The following ROBO2 variants were observed in gnomAD, a reference collection of about 807,000 sequenced individuals.
ROBO2 encodes roundabout guidance receptor 2, also known as roundabout homolog 2.
In ROBO2, 53 loss-of-function variants were observed where a neutral mutation model predicts 160.8. The ratio of observed to expected loss-of-function variants is 0.33; its 90% confidence interval spans 0.26 to 0.41. The LOEUF (loss-of-function observed/expected upper bound fraction) is 0.41. ROBO2 is among the 10% of genes least tolerant of loss of function. The probability of loss-of-function intolerance (pLI) is 1.00; values close to 1 mark genes in which losing one functional copy is unlikely to be tolerated. For synonymous variants in ROBO2, 664 were observed against 611.7 expected (o/e 1.09, Z -1.26); for missense variants, 1,577 against 1,722.4 (o/e 0.92, Z 1.49).
At chr3:76,112,420 G>A (rs1474734546) in intron 2 of ROBO2, among the ~76,000 whole-genome samples, 1 of 151,796 alleles carries the variant, frequency 6.6e-6, no homozygotes, top group African/African-American at 2.4e-5. Context: ...TTTATATCTG[G>A]TAGAACCTCC....
chr3:77,607,887 C>T (rs776356404), exon 21 of ROBO2: 10 of 1,605,218 alleles, frequency 6.2e-6, no homozygotes, highest in Non-Finnish European at 8.5e-6. Context: ...CCCTCTACCT[C>T]CCCCCCCAGT....
At chr3:76,877,155 A>T (rs536756006) in intron 2 of ROBO2, among the ~76,000 whole-genome samples, 1 of 152,220 alleles carries the variant, frequency 6.6e-6, no homozygotes, top group Non-Finnish European at 1.5e-5. Flanking sequence ...TTAGTGTTTG[A>T]AAGTTAAGGC....
At chr3:77,288,558 C>G (rs2060781629) in intron 2 of ROBO2, among the ~76,000 whole-genome samples, 1 of 152,134 alleles carries the variant, frequency 6.6e-6, no homozygotes, top group African/African-American at 2.4e-5. Context: ...GTGCTGTTTT[C>G]CCTGTTTGAC....
At chr3:76,568,358 T>G (rs189145287) in intron 2 of ROBO2, among the ~76,000 whole-genome samples, 71 of 152,126 alleles carry the variant, frequency 4.7e-4, no homozygotes, top group Non-Finnish European at 9.3e-4. Context: ...AGTGCAGTGG[T>G]GCGATCTCGG....
intron 2 of ROBO2, among the ~76,000 whole-genome samples, chr3:76,836,310 T>C (rs2109423254): frequency 6.6e-6 from 1 of 152,038 alleles, no homozygotes; most frequent in African/African-American, 2.4e-5. Context: ...TTATTCACAA[T>C]GACTTGTTCA....
Position 77,386,914 on chromosome 3 carries a change from T to A in ROBO2, c.389-90500T>A, listed in dbSNP as rs191830755. On this transcript the variant is annotated intron_variant, in intron 2 of 25. Transcript: ENST00000461745. ...CACTGCGCCCAGCCGATAATTTTTTTATAAATTAGTTCTGCTTGATCAAAC... is the reference window on the plus strand; with the variant it reads ...CACTGCGCCCAGCCGATAATTTTTTAATAAATTAGTTCTGCTTGATCAAAC... Among the ~76,000 whole-genome samples the A allele has an allele frequency of 3.1e-3, 471 of 152,148 alleles. 3 individuals are homozygous for A. Among genetic ancestry groups the A allele is most frequent in the African/African-American group, 0.011 (447 of 41,540 alleles).
At chr3:77,132,631 C>G (rs2075951388) in intron 2 of ROBO2, among the ~76,000 whole-genome samples, 1 of 151,694 alleles carries the variant, frequency 6.6e-6, no homozygotes, top group South Asian at 2.1e-4. Context: ...AAACTTTCAA[C>G]TATTGCAAAT....
intron 23 of ROBO2, 161 bp from the exon 25 acceptor site, chr3:77,634,709 T>G: frequency 1.4e-6 from 1 of 727,846 alleles, no homozygotes; most frequent in South Asian, 1.6e-5. Flanking sequence ...CAGCTGAGAA[T>G]GTAGAAAATA....
chr3:75,969,588 A>G (rs1013575004), intron 2 of ROBO2, among the ~76,000 whole-genome samples: 3 of 151,566 alleles, frequency 2.0e-5, no homozygotes, highest in African/African-American at 7.3e-5. Flanking sequence ...TCTTTTTTAT[A>G]TAATAACCAT....
intron 2 of ROBO2, among the ~76,000 whole-genome samples, chr3:76,736,916 T>C (rs910564104): frequency 2.0e-5 from 3 of 152,150 alleles, no homozygotes; most frequent in Non-Finnish European, 4.4e-5. Context: ...ATCTAAAATA[T>C]GTGAGGCAGA....
intron 2 of ROBO2, among the ~76,000 whole-genome samples, chr3:77,386,603 A>ATT (rs71104679): frequency 0.049 from 4,473 of 91,938 alleles, 525 homozygotes; most frequent in African/African-American, 0.15. Flanking sequence ...CAGCCAGGTA[A>ATT]TTTTTTTTTT....
At chr3:77,163,222 A>C (rs537579542) in intron 2 of ROBO2, among the ~76,000 whole-genome samples, 127 of 152,328 alleles carry the variant, frequency 8.3e-4, no homozygotes, top group African/African-American at 2.9e-3. Flanking sequence ...GTAGTTCCTG[A>C]TATCAAAGAT....
At chr3:76,147,710 G>C (rs890548363) in intron 2 of ROBO2, among the ~76,000 whole-genome samples, 10 of 151,918 alleles carry the variant, frequency 6.6e-5, no homozygotes, top group African/African-American at 2.2e-4. Context: ...AAATGGGAAG[G>C]ACCCTCAATG....
intron 2 of ROBO2, among the ~76,000 whole-genome samples, chr3:76,967,574 T>A (rs1474193437): frequency 7.1e-6 from 1 of 140,556 alleles, no homozygotes; most frequent in East Asian, 2.1e-4. Context: ...CAGGCTGGAG[T>A]GCAGTGGCAA....
At chr3:77,373,242 A>T (rs1025123990) in intron 2 of ROBO2, among the ~76,000 whole-genome samples, 4 of 149,802 alleles carry the variant, frequency 2.7e-5, no homozygotes, top group Non-Finnish European at 4.4e-5. Context: ...AAAGCAAGAC[A>T]TGTGGAAGTA....
At chr3:76,778,519 G>A (rs930279752) in intron 2 of ROBO2, among the ~76,000 whole-genome samples, 2 of 150,996 alleles carry the variant, frequency 1.3e-5, no homozygotes, top group East Asian at 2.0e-4. Flanking sequence ...ATAAATGAAC[G>A]TTGTTGTTTG....
At chr3:77,342,403 C>A (rs759800964) in intron 2 of ROBO2, among the ~76,000 whole-genome samples, 3 of 151,974 alleles carry the variant, frequency 2.0e-5, no homozygotes, top group Non-Finnish European at 2.9e-5. Context: ...AAAAACAGAC[C>A]GTCTTCTCTG....
intron 2 of ROBO2, among the ~76,000 whole-genome samples, chr3:77,342,703 T>C (rs546400517): frequency 8.5e-5 from 13 of 152,264 alleles, no homozygotes; most frequent in Admixed American, 7.9e-4. Flanking sequence ...TGTGGAACCA[T>C]TTTTGTTGGC....
chr3:76,305,759 A>T (rs1456272501), intron 2 of ROBO2, among the ~76,000 whole-genome samples: 2 of 147,644 alleles, frequency 1.4e-5, no homozygotes, highest in South Asian at 2.1e-4. Context: ...ACTCCATATA[A>T]AAAAAAAAAA....
Sources: allele counts gnomAD v4.1 joint callset (sites outside exome capture counted in the v4.1 genomes callset), GRCh38; gene constraint gnomAD v4.1.1; transcripts MANE v1.5; gene names NCBI Gene and HGNC (gene_info 2026-07-23, HGNC 2026-07-21).